Variants in PPP2R2B observed in about 807,000 individuals in gnomAD.
PPP2R2B encodes the protein protein phosphatase 2 regulatory subunit Bbeta.
In PPP2R2B, 5 loss-of-function variants were observed where a neutral mutation model predicts 46.0. The ratio of observed to expected loss-of-function variants is 0.11; its 90% confidence interval spans 0.06 to 0.23. The LOEUF is 0.23. PPP2R2B is among the 10% of genes least tolerant of loss of function. The pLI is 1.00. For missense variants in PPP2R2B, 367 were observed against 575.0 expected (o/e 0.64, Z 3.70); for synonymous variants, 215 against 206.7 (o/e 1.04, Z -0.34).
At chr5:147,005,452 C>T (rs559242902) in intron 1 of PPP2R2B, among the ~76,000 whole-genome samples, 1 of 152,270 alleles carries the variant, frequency 6.6e-6, no homozygotes, top group South Asian at 2.1e-4. Flanking sequence ...TCCTACATGC[C>T]CATGCTGCAA....
At chr5:147,025,288 A>C (rs1175109048) in intron 1 of PPP2R2B, among the ~76,000 whole-genome samples, 2 of 152,040 alleles carry the variant, frequency 1.3e-5, no homozygotes, top group Non-Finnish European at 2.9e-5. Context: ...ATAAAAAATC[A>C]TCCCCAAAAT....
intron 6 of PPP2R2B, among the ~76,000 whole-genome samples, chr5:146,640,364 C>T (rs1423341356): frequency 6.6e-6 from 1 of 152,208 alleles, no homozygotes; most frequent in African/African-American, 2.4e-5. Context: ...TCAACTTCTG[C>T]CAGAGTTATA....
chr5:146,840,190 C>T (rs1228272309), intron 2 of PPP2R2B, among the ~76,000 whole-genome samples: 1 of 152,198 alleles, frequency 6.6e-6, no homozygotes, highest in East Asian at 1.9e-4. Context: ...GGTTCAAATG[C>T]AGGCTTGTCA....
At chr5:146,629,576 C>G (rs1162772481) in intron 7 of PPP2R2B, among the ~76,000 whole-genome samples, 1 of 152,080 alleles carries the variant, frequency 6.6e-6, no homozygotes, top group East Asian at 1.9e-4. Flanking sequence ...AAACAGTATT[C>G]ACTTCCTTCT....
chr5:146,955,758 A>G (rs2151838497), intron 1 of PPP2R2B, among the ~76,000 whole-genome samples: 1 of 148,448 alleles, frequency 6.7e-6, no homozygotes, highest in African/African-American at 2.5e-5. Context: ...CATTAACAAT[A>G]GTCTTCTTTC....
chr5:146,838,581 A>AG lies in PPP2R2B; in HGVS notation c.70+39420_70+39421insC, dbSNP rs373041531. 1.8e-3 allele frequency among the ~76,000 whole-genome samples: 270 copies of AG among 151,904 alleles called. 1 individual carries two copies. Among genetic ancestry groups the AG allele is most frequent in the African/African-American group, 6.2e-3 (258 of 41,400 alleles). On this transcript the variant is annotated intron_variant, in intron 2 of 9. Transcript: ENST00000394411. ...GTGAGCCTCCATCTCAAAAAAAAAAAAAAGAAAAAAAAGAAGGAAGGGAGA... is the reference window on the plus strand; with the variant it reads ...GTGAGCCTCCATCTCAAAAAAAAAAAGAAAGAAAAAAAAGAAGGAAGGGAGA...
chr5:146,623,428 C>T (rs1230914592), intron 7 of PPP2R2B, among the ~76,000 whole-genome samples: 10 of 152,218 alleles, frequency 6.6e-5, no homozygotes, highest in Non-Finnish European at 4.4e-5. Context: ...GATAAGTGTA[C>T]AAAGGCAGTA....
At chr5:146,685,620 A>T (rs1778445037) in intron 5 of PPP2R2B, among the ~76,000 whole-genome samples, 1 of 152,144 alleles carries the variant, frequency 6.6e-6, no homozygotes, top group Non-Finnish European at 1.5e-5. Context: ...AGCTGGTAAA[A>T]CTGAATGCCA....
In PPP2R2B at chr5:147,010,421, T is replaced by C. The variant is rs545843500; in HGVS notation, c.79+45244A>G. Among the ~76,000 whole-genome samples, 7 of 152,150 alleles carry C rather than the reference T, an allele frequency of 4.6e-5. No individual in the cohort carries two copies. In the East Asian group the frequency reaches 7.7e-4, roughly 17 times the overall value. On this transcript the variant is annotated intron_variant, in intron 1 of 8. Coordinates refer to the PPP2R2B transcript ENST00000336640. ...GAAATAATTATACAACTCACCATAA[T>C]GTAGAATCAGTGGGAGCCCTGAGCT...
At position 146,584,786 on chromosome 5, in the gene PPP2R2B, C is replaced by T. The variant is rs1285314875; in HGVS notation, c.*5161G>A. 6.6e-6 allele frequency: 1 copy of T among 152,126 alleles called. No homozygotes were observed. Among genetic ancestry groups the T allele is most frequent in the African/African-American group, 2.4e-5 (1 of 41,422 alleles). The allele number at this position is 152,126 out of a possible 1,614,324, so 9.4% of individuals were successfully genotyped here. ...ATGAACAAAAGGAAAAAGGGGTAGGCTAGTTCTAGTATGTCGAAAATGTGT... is the reference window on the plus strand; with the variant it reads ...ATGAACAAAAGGAAAAAGGGGTAGGTTAGTTCTAGTATGTCGAAAATGTGT... On this transcript the variant is annotated 3_prime_UTR_variant, in exon 10 of 10. Transcript: ENST00000394411.
At chr5:146,923,267 G>A (rs369163140) in intron 1 of PPP2R2B, among the ~76,000 whole-genome samples, 1 of 152,192 alleles carries the variant, frequency 6.6e-6, no homozygotes, top group African/African-American at 2.4e-5. Flanking sequence ...GTATGACAGA[G>A]GTCTGAAGGA....
intron 2 of PPP2R2B, among the ~76,000 whole-genome samples, chr5:146,742,265 A>T (rs7710355): frequency 2.6e-5 from 4 of 152,032 alleles, no homozygotes; most frequent in African/African-American, 7.3e-5. Context: ...ATGCGCATGA[A>T]GCCTCTGATG....
chr5:146,763,775 T>G (rs1054933399), intron 2 of PPP2R2B, among the ~76,000 whole-genome samples: 2 of 152,214 alleles, frequency 1.3e-5, no homozygotes, highest in Non-Finnish European at 2.9e-5. Context: ...CAGGCTGGAA[T>G]GCACTGGTGC....
In PPP2R2B at chr5:146,709,027, A is replaced by G. The variant is rs112694325; in HGVS notation, c.71-7885T>C. Among the ~76,000 whole-genome samples the G allele has an allele frequency of 1.8e-3, 275 of 152,342 alleles. 3 individuals are homozygous for G. Among genetic ancestry groups the G allele is most frequent in the African/African-American group, 6.3e-3 (260 of 41,580 alleles). On this transcript the variant is annotated intron_variant, in intron 2 of 9. Transcript: ENST00000394411. The stretch of plus-strand genomic sequence containing the variant: ...TGATTACACATGCCACATGCTTGCT[A>G]TCCTTGACCTACTGTGTGTAATACG...
intron 2 of PPP2R2B, chr5:146,706,472 G>A (rs2151174674): frequency 1.7e-6 from 2 of 1,149,444 alleles, no homozygotes; most frequent in South Asian, 2.4e-5. Context: ...CGATCTCGAT[G>A]TCCAGGGTCA....
chr5:147,078,662 C>T (rs534663809), intron 2 of PPP2R2B, among the ~76,000 whole-genome samples: 1 of 151,916 alleles, frequency 6.6e-6, no homozygotes, highest in South Asian at 2.1e-4. Flanking sequence ...AAAAAATAAG[C>T]TGGGCATATT....
chr5:146,962,532 C>T (rs1332684219), intron 1 of PPP2R2B, among the ~76,000 whole-genome samples: 2 of 151,860 alleles, frequency 1.3e-5, no homozygotes, highest in East Asian at 1.9e-4. Flanking sequence ...TGGCACACAC[C>T]TGTAATCCTA....
intron 1 of PPP2R2B, among the ~76,000 whole-genome samples, chr5:146,959,887 G>A (rs573380595): frequency 1.2e-4 from 18 of 152,256 alleles, no homozygotes; most frequent in South Asian, 6.2e-4. Context: ...GTAGGGAGAC[G>A]ACAATGACAG....
intron 2 of PPP2R2B, among the ~76,000 whole-genome samples, chr5:146,789,685 G>A (rs1020689110): frequency 5.3e-5 from 8 of 152,012 alleles, no homozygotes; most frequent in African/African-American, 1.9e-4. Context: ...CAGTGATGGG[G>A]GCTCTGAAGG....
Sources: gnomAD v4.1 joint callset for allele counts (sites outside exome capture counted in the v4.1 genomes callset) on GRCh38, gnomAD v4.1.1 for gene constraint, MANE v1.5 for transcripts, NCBI Gene and HGNC (gene_info 2026-07-23, HGNC 2026-07-21) for gene names.